Variants in LRRIQ4 observed in about 807,000 individuals in gnomAD.
LRRIQ4 encodes the protein leucine rich repeats and IQ motif containing 4.
Under a neutral mutation model 40.1 loss-of-function variants are expected in LRRIQ4, and 21 were observed. The ratio of observed to expected loss-of-function variants is 0.52; its 90% CI spans 0.37 to 0.75. The LOEUF (loss-of-function observed/expected upper bound fraction) is 0.75. LRRIQ4 is among the 30% of genes least tolerant of loss of function. The pLI is 0.00. For synonymous variants in LRRIQ4, 277 were observed against 277.1 expected (o/e 1.00, Z 0.00); for missense variants, 655 against 660.0 (o/e 0.99, Z 0.08).
At chr3:169,820,130 T>A (rs956625548) in intron 1 of LRRIQ4, among the ~76,000 whole-genome samples, 6 of 152,164 alleles carry the variant, frequency 3.9e-5, no homozygotes, top group South Asian at 2.1e-4. Flanking sequence ...GCCTCTGTGA[T>A]GGATGAGAGG....
chr3:169,827,629 A>G (rs909569769), intron 2 of LRRIQ4, among the ~76,000 whole-genome samples: 32 of 142,052 alleles, frequency 2.3e-4, no homozygotes, highest in Middle Eastern at 3.6e-3. Context: ...AAAAAAAAAA[A>G]AGAGATTTTT....
At position 169,835,364 on chromosome 3, in the gene LRRIQ4, C is replaced by CTTTGTG. The variant is rs56344833; in HGVS notation, c.1531-2114_1531-2113insTTGTGT. On this transcript the variant is annotated intron_variant, in intron 5 of 5. Coordinates refer to ENST00000340806, the MANE Select transcript of LRRIQ4 (RefSeq NM_001080460.3). ...CACTTGTACTTTGAATTGTCTTTTT[C>CTTTGTG]TGTGTGTGTGTGTGTGTGTGTGTGT... 5.9e-3 allele frequency among the ~76,000 whole-genome samples: 869 copies of CTTTGTG among 146,496 alleles called. 11 individuals carry two copies. The highest frequency in any genetic ancestry group is 0.019 in the African/African-American group (737 of 39,556).
intron 3 of LRRIQ4, among the ~76,000 whole-genome samples, chr3:169,829,432 A>G (rs909780514): frequency 3.9e-5 from 6 of 152,024 alleles, no homozygotes; most frequent in African/African-American, 1.2e-4. Flanking sequence ...GCAACAGGAT[A>G]ACTTCATTCA....
At position 169,822,639 on chromosome 3, in the gene LRRIQ4, G is replaced by A. The variant is rs747640686; in HGVS notation, c.718G>A (p.Asp240Asn). The change falls in exon 2 of 6, where the codon GAT becomes AAT. Residue 240 changes from aspartate to asparagine, a missense_variant. Physicochemically the swap from Asp to Asn is conservative, Grantham distance 23. Transcript: ENST00000340806. ...LCQCSQLSVLDLSHNLLHSIP... is the reference protein window; with the variant it reads ...LCQCSQLSVLNLSHNLLHSIP... ...CCAGTGTAGCCAACTGTCGGTGCTC[G>A]ATTTATCCCACAACCTCCTCCACTC... The A allele has an allele frequency of 6.2e-7, 1 of 1,613,954 alleles. No homozygotes were observed. Among genetic ancestry groups the A allele is most frequent in the South Asian group, 1.1e-5 (1 of 91,082 alleles).
chr3:169,822,976 C>T (rs1779949768), intron 2 of LRRIQ4, 35 bp downstream of exon 2: 1 of 1,472,674 alleles, frequency 6.8e-7, no homozygotes, highest in Non-Finnish European at 9.0e-7. Context: ...ACTATGCTCT[C>T]ATCCAGGGTC....
intron 5 of LRRIQ4, among the ~76,000 whole-genome samples, chr3:169,834,843 T>A (rs754134312): frequency 6.6e-6 from 1 of 151,894 alleles, no homozygotes; most frequent in Non-Finnish European, 1.5e-5. Flanking sequence ...AATTAAATTT[T>A]AAAAATTTAA....
chr3:169,815,147 G>A (rs774975887), intron 1 of LRRIQ4, among the ~76,000 whole-genome samples: 4 of 152,102 alleles, frequency 2.6e-5, no homozygotes, highest in Non-Finnish European at 5.9e-5. Flanking sequence ...CAAATTTTAG[G>A]ATTATTTTTT....
chr3:169,830,464 T>G, intron 3 of LRRIQ4, 28 bp from the exon 4 acceptor site: 1 of 1,469,372 alleles, frequency 6.8e-7, no homozygotes, highest in East Asian at 2.7e-5. Flanking sequence ...TCAAGGTATA[T>G]TATTATGGTA....
intron 2 of LRRIQ4, 40 bp downstream of exon 2, chr3:169,822,981 A>G (rs1283575020): frequency 6.8e-7 from 1 of 1,467,906 alleles, no homozygotes; most frequent in Middle Eastern, 1.8e-4. Flanking sequence ...GCTCTCATCC[A>G]GGGTCCTTCC....
At chr3:169,835,318 A>G (rs1022765987) in intron 5 of LRRIQ4, among the ~76,000 whole-genome samples, 1 of 151,378 alleles carries the variant, frequency 6.6e-6, no homozygotes, top group African/African-American at 2.4e-5. Context: ...CAGTCCCTAG[A>G]GTCATTCATT....
intron 4 of LRRIQ4, among the ~76,000 whole-genome samples, chr3:169,831,932 A>G (rs1449993232): frequency 6.6e-6 from 1 of 151,060 alleles, no homozygotes; most frequent in Non-Finnish European, 1.5e-5. Flanking sequence ...GCACCACTGC[A>G]CTCTAGCCTG....
intron 1 of LRRIQ4, among the ~76,000 whole-genome samples, chr3:169,817,950 A>T (rs1779800468): frequency 6.6e-6 from 1 of 152,212 alleles, no homozygotes; most frequent in Non-Finnish European, 1.5e-5. Context: ...CAGGAATTGC[A>T]GTCCTTGTGA....
chr3:169,823,178 T>C (rs1393024878), intron 2 of LRRIQ4, among the ~76,000 whole-genome samples: 1 of 152,112 alleles, frequency 6.6e-6, no homozygotes, highest in Non-Finnish European at 1.5e-5. Flanking sequence ...GAGCTAAGTG[T>C]TTACATGGAT....
chr3:169,824,321 A>G (rs930298254), intron 2 of LRRIQ4, among the ~76,000 whole-genome samples: 1 of 152,140 alleles, frequency 6.6e-6, no homozygotes, highest in African/African-American at 2.4e-5. Context: ...GTTCAAGACC[A>G]TGCTGGGCAA....
intron 1 of LRRIQ4, among the ~76,000 whole-genome samples, chr3:169,820,679 T>A (rs1378050094): frequency 6.6e-6 from 1 of 152,138 alleles, no homozygotes; most frequent in East Asian, 1.9e-4. Context: ...ATGGACATGA[T>A]TTGTCCCTCC....
chr3:169,837,448 G>A (rs375552536), intron 5 of LRRIQ4, 31 bp from the exon 6 acceptor site: 54 of 1,585,912 alleles, frequency 3.4e-5, no homozygotes, highest in South Asian at 2.7e-4. Flanking sequence ...GATACCAGCC[G>A]ATGCTGAATT....
chr3:169,828,911 A>G lies in LRRIQ4; in HGVS notation c.1173A>G (p.Pro391=). 6.2e-7 allele frequency: 1 copy of G among 1,611,400 alleles called. No homozygotes were observed. Among genetic ancestry groups the G allele is most frequent in the Non-Finnish European group, 8.5e-7 (1 of 1,179,298 alleles). Residue 391 remains proline (P), a synonymous_variant, in exon 3 of 6, where the codon CCA becomes CCG. Transcript: ENST00000340806. ...AGGGATTCAAACTTACCTATGTGCC[A>G]GAACACATTAGGAAACTGCAGGTAA... ...QDQGFKLTYV[P]EHIRKLQSLK... is the part of the protein sequence containing the mutation.
At position 169,822,560 on chromosome 3, in the gene LRRIQ4, G is replaced by A. The variant is rs779784248; in HGVS notation, c.639G>A (p.Leu213=). 4 of 1,613,982 alleles carry A rather than the reference G, an allele frequency of 2.5e-6. No homozygotes were observed. The East Asian group carries it at 8.9e-5, about 36-fold the overall frequency. Residue 213 remains leucine, a synonymous_variant, in exon 2 of 6, where the codon CTG becomes CTA. Transcript: ENST00000340806. ...IPEEIGHLTG[L]QKFYMASNNL... is the part of the protein sequence containing the mutation. The stretch of plus-strand genomic sequence containing the variant: ...AAGAGATCGGACACCTGACGGGGCT[G>A]CAGAAGTTCTATATGGCTTCTAACA...
At chr3:169,823,494 C>G (rs1484670498) in intron 2 of LRRIQ4, among the ~76,000 whole-genome samples, 1 of 152,094 alleles carries the variant, frequency 6.6e-6, no homozygotes, top group Non-Finnish European at 1.5e-5. Context: ...ATTACAGGCA[C>G]CTGCCATCAT....
Sources: gnomAD v4.1 joint callset for allele counts (sites outside exome capture counted in the v4.1 genomes callset) on GRCh38, gnomAD v4.1.1 for gene constraint, MANE v1.5 for transcripts, NCBI Gene and HGNC (gene_info 2026-07-23, HGNC 2026-07-21) for gene names.